Variants in RUFY4 observed in about 807,000 individuals in gnomAD.
The protein encoded by RUFY4 is RUN and FYVE domain containing 4.
RUFY4 carries 73 observed loss-of-function variants against 69.0 expected under a neutral mutation model. The observed-to-expected ratio is 1.06, with a 90% CI of 0.88 to 1.29. RUFY4 has a LOEUF of 1.29. RUFY4 is among the 50% of genes most tolerant of loss of function. RUFY4 has a pLI of 0.00. For missense variants in RUFY4, 770 were observed against 705.6 expected (o/e 1.09, Z -1.03); for synonymous variants, 287 against 271.8 (o/e 1.06, Z -0.55).
At chr2:218,035,785 A>T (rs559595647) in intron 2 of RUFY4, among the ~76,000 whole-genome samples, 1 of 152,296 alleles carries the variant, frequency 6.6e-6, no homozygotes, top group Admixed American at 6.5e-5. Flanking sequence ...CTCCCCCCAC[A>T]CACGCAGCAT....
chr2:218,080,556 C>T (rs1325605725), intron 8 of RUFY4, among the ~76,000 whole-genome samples: 1 of 152,210 alleles, frequency 6.6e-6, no homozygotes, highest in Non-Finnish European at 1.5e-5. Flanking sequence ...CTCCTCCCAG[C>T]TCAGATGCTC....
chr2:218,075,521 G>A, exon 7 of RUFY4: 2 of 1,558,830 alleles, frequency 1.3e-6, no homozygotes, highest in Non-Finnish European at 1.7e-6. Context: ...GTCACGTCCA[G>A]AGGCTGCTGA....
Position 218,076,329 on chromosome 2 carries a change from G to T in RUFY4, c.1249-98G>T. 4 of 1,477,326 alleles carry T rather than the reference G, an allele frequency of 2.7e-6. No homozygotes were observed. In the South Asian group the frequency reaches 5.5e-5, roughly 20 times the overall value. 91.5% of individuals were successfully genotyped at this position (1,477,326 alleles called of 1,614,324 possible). On this transcript the variant is annotated intron_variant, in intron 7 of 10. Coordinates refer to ENST00000344321, the Ensembl canonical transcript of RUFY4. ...ACTGTCCCCAGCCCTGCCAGGGCAT[G>T]GCCTGGGGTCTCTCGGGAATGTTGT...
chr2:218,054,825 A>G (rs1171204442), intron 2 of RUFY4, among the ~76,000 whole-genome samples: 1 of 152,240 alleles, frequency 6.6e-6, no homozygotes, highest in African/African-American at 2.4e-5. Flanking sequence ...GCAAATTTTC[A>G]TGAACAAAGG....
In RUFY4 at chr2:218,046,780, A is replaced by C. The variant is rs1034834968; in HGVS notation, c.-1158+11386A>C. Among the ~76,000 whole-genome samples the C allele has an allele frequency of 2.6e-5, 4 of 152,156 alleles. No individual in the cohort carries two copies. The East Asian group carries it at 7.7e-4, about 29-fold the overall frequency. On this transcript the variant is annotated intron_variant and NMD_transcript_variant, in intron 2 of 13. Transcript: ENST00000457754. Reference sequence around the variant, plus strand: ...CAGTGCCTCTCATGCAATTTAACACATCAAATAAGTCTAATTAGTTTAACT... The same window carrying C: ...CAGTGCCTCTCATGCAATTTAACACCTCAAATAAGTCTAATTAGTTTAACT...
At chr2:218,061,093 CA>C (rs1689177272) in intron 3 of RUFY4, 1 of 568,582 alleles carries the variant, frequency 1.8e-6, no homozygotes, top group Non-Finnish European at 3.5e-6. Flanking sequence ...TCCAGCCATT[CA>C]TCTTGGAGGC....
intron 2 of RUFY4, among the ~76,000 whole-genome samples, chr2:218,051,208 T>C (rs1257328409): frequency 1.3e-5 from 2 of 152,172 alleles, no homozygotes; most frequent in African/African-American, 4.8e-5. Flanking sequence ...TAAACATAGC[T>C]TTAAGCTTAT....
chr2:218,061,730 A>AG (rs1689198096), intron 3 of RUFY4, among the ~76,000 whole-genome samples: 1 of 152,230 alleles, frequency 6.6e-6, no homozygotes. Context: ...CCTGTGGATA[A>AG]TAACTACAGG....
chr2:218,083,369 C>T, intron 9 of RUFY4, 113 bp downstream of exon 11: 10 of 1,352,812 alleles, frequency 7.4e-6, no homozygotes, highest in South Asian at 1.5e-5. Context: ...GGTTCTAGAC[C>T]TTTTATATAA....
intron 3 of RUFY4, chr2:218,060,655 A>G (rs1689161703): frequency 3.0e-6 from 4 of 1,347,476 alleles, no homozygotes; most frequent in Non-Finnish European, 1.1e-6. Flanking sequence ...AATGAGGACA[A>G]CAGCAAAGAT....
At chr2:218,069,859 C>T (rs1689439709), upstream of RUFY4, among the ~76,000 whole-genome samples, 1 of 152,030 alleles carries the variant, frequency 6.6e-6, no homozygotes. Context: ...CAGTGTCCCT[C>T]TCTGGGCCCC....
Position 218,073,888 on chromosome 2 carries a change from G to T in RUFY4, c.600+3G>T. The T allele has an allele frequency of 6.2e-7, 1 of 1,613,860 alleles. No homozygotes were observed. On this transcript the variant is annotated splice_donor_region_variant and intron_variant, in intron 6 of 10. Transcript: ENST00000344321. The stretch of plus-strand genomic sequence containing the variant: ...AAAACAAAGATGCCCCAAAGAAGGT[G>T]CCTCTGCCCTGCCTTCACTCTGAGT...
rs754817474 is a variant in RUFY4 at position 218,077,044 on chromosome 2, C to T, written c.1355+511C>T. 2.4e-4 allele frequency among the ~76,000 whole-genome samples: 36 copies of T among 152,206 alleles called. 1 individual carries two copies. The highest frequency in any genetic ancestry group is 8.8e-5 in the Non-Finnish European group (6 of 68,038). ...CTGCTGTCGGTGCTTCTGCGTAACA[C>T]CCTTATGAGATGAGTTCTATAGAAC... On this transcript the variant is annotated intron_variant, in intron 8 of 10. Transcript: ENST00000344321.
At chr2:218,055,097 T>C (rs530021455) in intron 2 of RUFY4, among the ~76,000 whole-genome samples, 1 of 151,994 alleles carries the variant, frequency 6.6e-6, no homozygotes, top group East Asian at 1.9e-4. Context: ...AAAAAAATAA[T>C]AAGAAGAAGA....
chr2:218,090,215 T>C, exon 11 of RUFY4: 2 of 411,748 alleles, frequency 4.9e-6, no homozygotes, highest in South Asian at 3.8e-5. Flanking sequence ...GAGTAGGGTG[T>C]GGGGAGTGGT....
chr2:218,069,342 C>A (rs974577552), upstream of RUFY4: 1 of 152,258 alleles, frequency 6.6e-6, no homozygotes, highest in African/African-American at 2.4e-5. Context: ...CAGCCAGGCT[C>A]TCCTGGGTGA....
At chr2:218,069,427 G>T (rs989530262), upstream of RUFY4, 2 of 152,096 alleles carry the variant, frequency 1.3e-5, no homozygotes, top group African/African-American at 4.8e-5. Context: ...AAAATGCCTG[G>T]CAGAGACGAG....
chr2:218,056,229 G>GTTTT (rs796703457), intron 2 of RUFY4, among the ~76,000 whole-genome samples: 3 of 128,816 alleles, frequency 2.3e-5, no homozygotes, highest in Admixed American at 7.7e-5. Flanking sequence ...GCTGGTTGTT[G>GTTTT]TTTTTTTTTT....
chr2:218,076,565 T>C, intron 8 of RUFY4, 32 bp downstream of exon 10: 1 of 1,546,588 alleles, frequency 6.5e-7, no homozygotes, highest in Non-Finnish European at 8.7e-7. Flanking sequence ...ACAGGGCACC[T>C]GGAAGTGCTC....
Sources: gnomAD v4.1 joint callset for allele counts (sites outside exome capture counted in the v4.1 genomes callset) on GRCh38, gnomAD v4.1.1 for gene constraint, MANE v1.5 for transcripts, NCBI Gene and HGNC (gene_info 2026-07-23, HGNC 2026-07-21) for gene names.